GPR158: variants seen among roughly 807,000 people sequenced by gnomAD.
GPR158 encodes metabotropic glycine receptor.
In GPR158, 30 loss-of-function variants were observed where a neutral mutation model predicts 78.2. That is an observed-to-expected ratio of 0.38 (90% confidence interval 0.29 to 0.52). GPR158 has a LOEUF of 0.52. GPR158 is among the 20% of genes least tolerant of loss of function. The pLI, the probability that GPR158 is intolerant of heterozygous loss-of-function variation, is 0.83. For missense variants in GPR158, 1,463 were observed against 1,523.5 expected (o/e 0.96, Z 0.66); for synonymous variants, 581 against 591.1 (o/e 0.98, Z 0.25).
At chr10:25,307,018 GA>G (rs1854687440) in intron 2 of GPR158, among the ~76,000 whole-genome samples, 1 of 90,446 alleles carries the variant, frequency 1.1e-5, no homozygotes, top group East Asian at 2.7e-4. Context: ...CACACATACA[GA>G]GAGAGAGAGA....
intron 5 of GPR158, among the ~76,000 whole-genome samples, chr10:25,486,244 CCTT>C (rs1470795110): frequency 1.3e-5 from 2 of 152,232 alleles, no homozygotes; most frequent in East Asian, 1.9e-4. Flanking sequence ...TCAACTTTGA[CCTT>C]CTTCATTCTT....
intron 2 of GPR158, among the ~76,000 whole-genome samples, chr10:25,358,401 G>C (rs759861377): frequency 2.0e-5 from 3 of 152,058 alleles, no homozygotes; most frequent in Non-Finnish European, 4.4e-5. Flanking sequence ...CCCCACCCAA[G>C]TCTCATTTTG....
At chr10:25,304,426 A>G (rs1261297090) in intron 2 of GPR158, among the ~76,000 whole-genome samples, 1 of 152,062 alleles carries the variant, frequency 6.6e-6, no homozygotes, top group Non-Finnish European at 1.5e-5. Flanking sequence ...CTGGCTCCAG[A>G]AGAAGAGAGC....
chr10:25,346,704 AAG>A (rs1186666761), intron 2 of GPR158, among the ~76,000 whole-genome samples: 1 of 151,978 alleles, frequency 6.6e-6, no homozygotes, highest in Non-Finnish European at 1.5e-5. Context: ...GTTTCCTACA[AAG>A]AGTTCTCATT....
chr10:25,583,453 C>T (rs915206147), intron 7 of GPR158, among the ~76,000 whole-genome samples: 2 of 152,094 alleles, frequency 1.3e-5, no homozygotes, highest in African/African-American at 4.8e-5. Flanking sequence ...AACCAGATAA[C>T]CACCCAGAAT....
At chr10:25,540,966 AT>A (rs1564484251) in intron 5 of GPR158, among the ~76,000 whole-genome samples, 2,297 of 146,862 alleles carry the variant, frequency 0.016, 73 homozygotes, top group African/African-American at 0.052. Context: ...ATATATATAT[AT>A]ATATATATAT....
chr10:25,306,365 C>T (rs1040400486), intron 2 of GPR158, among the ~76,000 whole-genome samples: 12 of 152,156 alleles, frequency 7.9e-5, no homozygotes, highest in African/African-American at 2.9e-4. Flanking sequence ...AGTCTCCCTG[C>T]CTTCGTGCAT....
chr10:25,406,068 C>T (rs1344459331), intron 3 of GPR158, among the ~76,000 whole-genome samples: 1 of 152,132 alleles, frequency 6.6e-6, no homozygotes, highest in Non-Finnish European at 1.5e-5. Flanking sequence ...TGTTGACTCA[C>T]CTTAGATTAT....
intron 2 of GPR158, among the ~76,000 whole-genome samples, chr10:25,228,255 A>G (rs1321048131): frequency 6.6e-6 from 1 of 152,184 alleles, no homozygotes; most frequent in Non-Finnish European, 1.5e-5. Flanking sequence ...AGCCTGGGCA[A>G]TAGAGTGAGA....
intron 2 of GPR158, among the ~76,000 whole-genome samples, chr10:25,338,435 GTAT>G (rs1855244878): frequency 7.1e-6 from 1 of 140,426 alleles, no homozygotes; most frequent in Non-Finnish European, 1.5e-5. Flanking sequence ...TTATATATAC[GTAT>G]TATATATACG....
intron 2 of GPR158, among the ~76,000 whole-genome samples, chr10:25,263,793 T>C (rs1288528098): frequency 6.6e-6 from 1 of 151,984 alleles, no homozygotes; most frequent in Non-Finnish European, 1.5e-5. Context: ...AGAAACCAGT[T>C]GGGTGTGGTG....
chr10:25,595,066 T>C (rs1837383341), intron 9 of GPR158, among the ~76,000 whole-genome samples: 4 of 152,194 alleles, frequency 2.6e-5, no homozygotes. Context: ...AATTATATCA[T>C]TGTTATTATT....
intron 2 of GPR158, among the ~76,000 whole-genome samples, chr10:25,364,040 G>A (rs10828776): frequency 0.8 from 120,773 of 151,844 alleles, 49,011 homozygotes; most frequent in Non-Finnish European, 0.85. Context: ...AATGCCTAGC[G>A]TATAATAAGC....
At chr10:25,177,857 A>G (rs1193927060) in intron 1 of GPR158, among the ~76,000 whole-genome samples, 2 of 152,246 alleles carry the variant, frequency 1.3e-5, no homozygotes, top group East Asian at 3.8e-4. Flanking sequence ...GTCTTAAACC[A>G]GACTAACTCT....
At chr10:25,405,160 C>T (rs919581216) in intron 3 of GPR158, among the ~76,000 whole-genome samples, 3 of 151,774 alleles carry the variant, frequency 2.0e-5, no homozygotes, top group Admixed American at 6.6e-5. Flanking sequence ...GATAGATGAA[C>T]GATAACATTG....
intron 5 of GPR158, among the ~76,000 whole-genome samples, chr10:25,537,780 C>T (rs570066097): frequency 3.3e-5 from 5 of 152,086 alleles, no homozygotes; most frequent in African/African-American, 1.2e-4. Flanking sequence ...AGTGAGTTCT[C>T]ATAAGATCAG....
chr10:25,280,436 G>T (rs116739455), intron 2 of GPR158, among the ~76,000 whole-genome samples: 2,045 of 152,258 alleles, frequency 0.013, 18 homozygotes, highest in Middle Eastern at 0.068. Flanking sequence ...TTCTAAACTT[G>T]TATGCACCTA....
intron 2 of GPR158, among the ~76,000 whole-genome samples, chr10:25,236,415 G>GGA (rs1382142408): frequency 1.1e-4 from 17 of 152,304 alleles, no homozygotes; most frequent in South Asian, 8.3e-4. Flanking sequence ...GGCTGAGGCG[G>GGA]GAGAATGGCA....
chr10:25,536,262 G>T (rs746170332), intron 5 of GPR158, among the ~76,000 whole-genome samples: 1 of 151,954 alleles, frequency 6.6e-6, no homozygotes, highest in Non-Finnish European at 1.5e-5. Flanking sequence ...AAATTCATTT[G>T]TAAAATAATG....
Sources: allele counts gnomAD v4.1 joint callset (sites outside exome capture counted in the v4.1 genomes callset), GRCh38; gene constraint gnomAD v4.1.1; transcripts MANE v1.5; gene names NCBI Gene and HGNC (gene_info 2026-07-23, HGNC 2026-07-21).